Variants in DYNC2H1 observed in about 807,000 individuals in gnomAD.
DYNC2H1 encodes the protein cytoplasmic dynein 2 heavy chain 1.
In DYNC2H1, 410 loss-of-function variants were observed where a neutral mutation model predicts 570.0. The ratio of observed to expected loss-of-function variants is 0.72; its 90% confidence interval spans 0.66 to 0.78. The LOEUF is 0.78. Ranked by LOEUF, DYNC2H1 falls within the 30% of genes least tolerant of loss-of-function variation. The pLI is 0.00. For synonymous variants in DYNC2H1, 1,688 were observed against 1,677.6 expected, an observed-to-expected ratio of 1.01 and a Z score of -0.15; for missense variants, 4,865 against 5,046.4, an observed-to-expected ratio of 0.96 and a Z score of 1.09.
rs1303013721 is a variant in DYNC2H1 at position 103,173,144 on chromosome 11, A to G, written c.5397A>G (p.Gly1799=). 2 of 1,549,814 alleles carry G rather than the reference A, an allele frequency of 1.3e-6. No individual in the cohort carries two copies. The highest frequency in any genetic ancestry group is 1.7e-6 in the Non-Finnish European group (2 of 1,148,128). ...ITMNPAGKGY[G]GRQKLPDNLK... is the part of the protein sequence containing the mutation. The stretch of plus-strand genomic sequence containing the variant: ...TGAATCCTGCTGGAAAAGGTTATGG[A>G]GGAAGACAAAAACTGCCTGATAATC... Residue 1799 remains glycine, a synonymous_variant, in exon 35 of 89, where the codon GGA becomes GGG. Transcript: ENST00000375735.
At position 103,170,277 on chromosome 11, in the gene DYNC2H1, T is replaced by G; in HGVS notation, c.5138T>G (p.Phe1713Cys). The G allele has an allele frequency of 6.3e-7, 1 of 1,589,638 alleles. No homozygotes were observed. The highest frequency in any genetic ancestry group is 8.5e-7 in the Non-Finnish European group (1 of 1,169,922). ...CTTCTTGGAAGACAAGTTTTAGTCTTTAATTGTGATGAGGTAGAATAAATA... is the reference window on the plus strand; with the variant it reads ...CTTCTTGGAAGACAAGTTTTAGTCTGTAATTGTGATGAGGTAGAATAAATA... ...GGLLGRQVLV[F>C]NCDEGIDVKS... is the part of the protein sequence containing the mutation. Residue 1713 changes from phenylalanine (F) to cysteine (C), a missense_variant, in exon 33 of 89, where the codon TTT becomes TGT. This residue lies in a region of DYNC2H1 where 292 missense variants were observed against 300.2 expected (regional missense o/e 0.97). Coordinates refer to ENST00000375735, the MANE Select transcript of DYNC2H1 (RefSeq NM_001377.3). The surrounding 1 kb of genome is among the most constrained non-coding windows in gnomAD (Gnocchi z 4.8).
At chr11:103,184,301 A>G (rs1470431944) in intron 40 of DYNC2H1, among the ~76,000 whole-genome samples, 3 of 151,924 alleles carry the variant, frequency 2.0e-5, no homozygotes, top group Admixed American at 2.0e-4. Flanking sequence ...GGCACCACAT[A>G]CAGATCCTAA....
chr11:103,257,548 A>C (rs767101066), intron 68 of DYNC2H1, 60 bp from the exon 69 acceptor site: 4 of 1,472,154 alleles, frequency 2.7e-6, no homozygotes, highest in African/African-American at 2.8e-5. Context: ...TTTAGGTGGC[A>C]GTAAAGCACT....
At chr11:103,196,123 A>G (rs1862500047) in intron 47 of DYNC2H1, among the ~76,000 whole-genome samples, 1 of 152,170 alleles carries the variant, frequency 6.6e-6, no homozygotes, top group Non-Finnish European at 1.5e-5. Context: ...GTGGAAAGCT[A>G]TATGGGATAT....
chr11:103,117,757 G>A lies in DYNC2H1; in HGVS notation c.893G>A (p.Cys298Tyr). The change falls in exon 6 of 89, where the codon TGT becomes TAT. Residue 298 changes from cysteine to tyrosine, a missense_variant. Coordinates refer to ENST00000375735, the MANE Select transcript of DYNC2H1 (RefSeq NM_001377.3). Reference protein sequence around the residue: ...ISICEQWVIVCNHLTGQVWQR... With the variant: ...ISICEQWVIVYNHLTGQVWQR... The stretch of plus-strand genomic sequence containing the variant: ...ATTTGTGAACAGTGGGTGATAGTCT[G>A]TAATCATCTAACAGGTCAGGTGTGG... The A allele has an allele frequency of 6.2e-7, 1 of 1,613,518 alleles. No individual in the cohort carries two copies. Among genetic ancestry groups the A allele is most frequent in the Middle Eastern group, 1.7e-4 (1 of 6,060 alleles).
At chr11:103,215,639 A>T (rs1260041386) in intron 54 of DYNC2H1, 82 bp from the exon 55 acceptor site, 1 of 1,347,546 alleles carries the variant, frequency 7.4e-7, no homozygotes, top group Non-Finnish European at 9.7e-7. Context: ...TGTTTGCTTG[A>T]TTCTTTTCTA....
intron 20 of DYNC2H1, among the ~76,000 whole-genome samples, chr11:103,150,346 T>G (rs994781040): frequency 1.3e-5 from 1 of 77,900 alleles, no homozygotes; most frequent in Non-Finnish European, 3.2e-5. Flanking sequence ...TACAATATGA[T>G]AGACAAGAGA....
chr11:103,142,351 G>A (rs997802543), intron 17 of DYNC2H1, among the ~76,000 whole-genome samples: 8 of 152,076 alleles, frequency 5.3e-5, no homozygotes, highest in Non-Finnish European at 1.0e-4. Context: ...GGCCATCTTC[G>A]CTTTTTATTT....
At chr11:103,379,630 C>T (rs1941553594) in intron 83 of DYNC2H1, among the ~76,000 whole-genome samples, 1 of 151,978 alleles carries the variant, frequency 6.6e-6, no homozygotes, top group East Asian at 1.9e-4. Context: ...TAAGGAAAAC[C>T]TTTTTTCCCC....
chr11:103,430,440 A>G lies in DYNC2H1; in HGVS notation c.12367-5503A>G, dbSNP rs17100803. ...TTATCCTTCTTTTTCTCATTTTCAC[A>G]TGGTTCTTCATTGACTCACGTTTAG... On this transcript the variant is annotated intron_variant, in intron 84 of 88. Coordinates refer to ENST00000375735, the MANE Select transcript of DYNC2H1 (RefSeq NM_001377.3). 2.6e-3 allele frequency among the ~76,000 whole-genome samples: 393 copies of G among 152,200 alleles called. 1 individual carries two copies. The highest frequency in any genetic ancestry group is 9.0e-3 in the African/African-American group (372 of 41,548).
At chr11:103,336,529 C>T (rs1565505610) in intron 82 of DYNC2H1, among the ~76,000 whole-genome samples, 1 of 152,094 alleles carries the variant, frequency 6.6e-6, no homozygotes, top group East Asian at 1.9e-4. Flanking sequence ...ACTTTTTTAG[C>T]TCCCACGTAT....
At chr11:103,283,117 A>T (rs1307444721) in intron 73 of DYNC2H1, 32 bp downstream of exon 73, 2 of 1,541,348 alleles carry the variant, frequency 1.3e-6, no homozygotes, top group African/African-American at 1.4e-5. Flanking sequence ...ACATGTTTTA[A>T]TTTCTTCTGT....
chr11:103,363,049 A>AT lies in DYNC2H1; in HGVS notation c.12156+4690_12156+4691insT, dbSNP rs1555111383. Reference sequence around the variant, plus strand: ...CTGTCTCAAAATAAATAAATAAATAAATAATATAATATAATATAACAGGCA... The same window carrying AT: ...CTGTCTCAAAATAAATAAATAAATAATATAATATAATATAATATAACAGGCA... On this transcript the variant is annotated intron_variant, in intron 83 of 88. Coordinates refer to ENST00000375735, the MANE Select transcript of DYNC2H1 (RefSeq NM_001377.3). The surrounding 1 kb of genome is among the most constrained non-coding windows in gnomAD (Gnocchi z 5.6). Among the ~76,000 whole-genome samples the AT allele has an allele frequency of 2.9e-4, 44 of 151,758 alleles. No homozygotes were observed. The highest frequency in any genetic ancestry group is 9.9e-4 in the African/African-American group (41 of 41,424).
chr11:103,118,367 AAC>A (rs1491086451), intron 6 of DYNC2H1, among the ~76,000 whole-genome samples: 12 of 151,950 alleles, frequency 7.9e-5, no homozygotes, highest in Non-Finnish European at 1.5e-4. Context: ...TAAAAAAAAA[AAC>A]AAAACTTTTT....
intron 83 of DYNC2H1, among the ~76,000 whole-genome samples, chr11:103,392,155 G>A (rs921474921): frequency 2.6e-5 from 4 of 152,188 alleles, no homozygotes; most frequent in Admixed American, 6.5e-5. Flanking sequence ...CACCCAGTTC[G>A]AGCTTCCCGG....
At chr11:103,198,426 A>G (rs1448068757) in intron 48 of DYNC2H1, among the ~76,000 whole-genome samples, 1 of 152,208 alleles carries the variant, frequency 6.6e-6, no homozygotes, top group South Asian at 2.1e-4. Flanking sequence ...TGTCAGATTC[A>G]TTAGGTGACC....
At chr11:103,448,388 T>C (rs1239611648) in intron 85 of DYNC2H1, among the ~76,000 whole-genome samples, 1 of 152,168 alleles carries the variant, frequency 6.6e-6, no homozygotes, top group African/African-American at 2.4e-5. Context: ...CACAGGAAAA[T>C]CTTATCCCAT....
At chr11:103,376,266 T>TA (rs2135566995) in intron 83 of DYNC2H1, among the ~76,000 whole-genome samples, 1 of 152,332 alleles carries the variant, frequency 6.6e-6, no homozygotes, top group East Asian at 1.9e-4. Flanking sequence ...GGTAATTCCT[T>TA]ATAGCAATGT....
Position 103,114,069 on chromosome 11 carries a change from T to A in DYNC2H1, c.367-34T>A, listed in dbSNP as rs748147524. The stretch of plus-strand genomic sequence containing the variant: ...GCCAATTTGATTAGCAAAATTTTGA[T>A]CAATCTTGGTTGCTCTTGTCTGTTT... On this transcript the variant is annotated intron_variant, in intron 2 of 88. Coordinates refer to ENST00000375735, the MANE Select transcript of DYNC2H1 (RefSeq NM_001377.3). 2.5e-6 allele frequency: 4 copies of A among 1,597,168 alleles called. No individual in the cohort carries two copies. In the East Asian group the frequency reaches 6.7e-5, roughly 27 times the overall value.
Sources: allele counts gnomAD v4.1 joint callset (sites outside exome capture counted in the v4.1 genomes callset), GRCh38; gene constraint gnomAD v4.1.1; regional missense constraint gnomAD v4.1.1; non-coding constraint Gnocchi (gnomAD v3.1); transcripts MANE v1.5; gene names NCBI Gene and HGNC (gene_info 2026-07-23, HGNC 2026-07-21).